The following CWC27 variants were observed in gnomAD, a reference collection of about 807,000 sequenced individuals.
CWC27 encodes CWC27 spliceosome associated cyclophilin.
CWC27 carries 47 observed loss-of-function variants against 63.6 expected under a neutral mutation model. The observed-to-expected ratio is 0.74, with a 90% CI of 0.58 to 0.94. The LOEUF is 0.94. Ranked by LOEUF, CWC27 falls within the 40% of genes least tolerant of loss-of-function variation. The pLI is 0.00. For synonymous variants in CWC27, 175 were observed against 179.8 expected, an observed-to-expected ratio of 0.97 and a Z score of 0.22; for missense variants, 495 against 554.3, an observed-to-expected ratio of 0.89 and a Z score of 1.07.
chr5:64,934,214 T>C (rs1181166444), intron 11 of CWC27, among the ~76,000 whole-genome samples: 1 of 152,182 alleles, frequency 6.6e-6, no homozygotes, highest in East Asian at 1.9e-4. Context: ...CAACCCATCG[T>C]CTACATTAGG....
At chr5:64,847,934 TCAAA>T (rs888409311) in intron 10 of CWC27, among the ~76,000 whole-genome samples, 1 of 150,832 alleles carries the variant, frequency 6.6e-6, no homozygotes, top group African/African-American at 2.4e-5. Context: ...GAGAAAGATC[TCAAA>T]CAACTTAATG....
At chr5:64,837,436 A>G (rs1745685611) in intron 10 of CWC27, among the ~76,000 whole-genome samples, 1 of 151,924 alleles carries the variant, frequency 6.6e-6, no homozygotes, top group Non-Finnish European at 1.5e-5. Context: ...ATGTGACTCC[A>G]TTGCTTACTT....
intron 13 of CWC27, among the ~76,000 whole-genome samples, chr5:64,999,503 C>A (rs1418628070): frequency 6.6e-6 from 1 of 152,050 alleles, no homozygotes; most frequent in African/African-American, 2.4e-5. Flanking sequence ...ACCACCCTTC[C>A]CAGCCCCTGG....
At chr5:64,807,099 A>G (rs1007092595) in intron 10 of CWC27, among the ~76,000 whole-genome samples, 1 of 152,212 alleles carries the variant, frequency 6.6e-6, no homozygotes, top group East Asian at 1.9e-4. Context: ...CTCTTGATAC[A>G]TGAGTTTTCA....
chr5:64,778,105 A>G (rs1475167542), intron 2 of CWC27, among the ~76,000 whole-genome samples: 3 of 152,224 alleles, frequency 2.0e-5, no homozygotes, highest in African/African-American at 7.2e-5. Flanking sequence ...TTGAAAACAC[A>G]AGTAATAAAG....
At position 64,774,791 on chromosome 5, in the gene CWC27, T is replaced by A. The variant is rs199695297; in HGVS notation, c.139+4T>A. 32 of 539,992 alleles carry A rather than the reference T, an allele frequency of 5.9e-5. No individual in the cohort carries two copies. Among genetic ancestry groups the A allele is most frequent in the Non-Finnish European group, 7.6e-5 (30 of 396,896 alleles). The allele number at this position is 539,992 out of a possible 1,614,324, so 33.5% of individuals were successfully genotyped here. ...TTTATCCAACTTTGTTTGGAAGGTA[T>A]GTTGACTTTTATTCTACTGGAGAAA... On this transcript the variant is annotated splice_donor_region_variant and intron_variant, in intron 2 of 13. Coordinates refer to ENST00000381070, the MANE Select transcript of CWC27 (RefSeq NM_005869.4).
At chr5:64,799,273 C>T (rs1477234121) in intron 7 of CWC27, among the ~76,000 whole-genome samples, 1 of 152,218 alleles carries the variant, frequency 6.6e-6, no homozygotes, top group East Asian at 1.9e-4. Flanking sequence ...ATTTGAAGCA[C>T]AGTGCCTAGC....
At chr5:64,910,539 T>C (rs922997107) in intron 11 of CWC27, among the ~76,000 whole-genome samples, 4 of 152,240 alleles carry the variant, frequency 2.6e-5, no homozygotes, top group Non-Finnish European at 5.9e-5. Flanking sequence ...TTAGTTCATC[T>C]ATGCCCTGCC....
chr5:65,017,992 G>T (rs548940287), intron 13 of CWC27, among the ~76,000 whole-genome samples, 167 bp from the exon 14 acceptor site: 8 of 152,272 alleles, frequency 5.3e-5, no homozygotes, highest in Admixed American at 4.6e-4. Context: ...CAAATTTAAG[G>T]GTTTTCTGAG....
At chr5:64,845,270 C>G (rs1745946332) in intron 10 of CWC27, among the ~76,000 whole-genome samples, 1 of 152,142 alleles carries the variant, frequency 6.6e-6, no homozygotes, top group South Asian at 2.1e-4. Flanking sequence ...ATTGTAAAGG[C>G]TAGAAGAGGG....
intron 10 of CWC27, among the ~76,000 whole-genome samples, chr5:64,813,356 A>C (rs1744941123): frequency 6.6e-6 from 1 of 152,170 alleles, no homozygotes; most frequent in African/African-American, 2.4e-5. Flanking sequence ...AGAACCAGTT[A>C]ATCCGTATCC....
At chr5:64,923,097 AG>A (rs1391047716) in intron 11 of CWC27, among the ~76,000 whole-genome samples, 1 of 152,182 alleles carries the variant, frequency 6.6e-6, no homozygotes, top group African/African-American at 2.4e-5. Flanking sequence ...GTGCTGCAGC[AG>A]GGGTGCAAAT....
chr5:64,782,322 C>T (rs1743726275), intron 3 of CWC27, among the ~76,000 whole-genome samples: 1 of 152,066 alleles, frequency 6.6e-6, no homozygotes, highest in African/African-American at 2.4e-5. Flanking sequence ...GTGGCACACG[C>T]CTGTATTCCC....
intron 13 of CWC27, among the ~76,000 whole-genome samples, chr5:64,981,966 T>G (rs1485781095): frequency 6.6e-6 from 1 of 152,224 alleles, no homozygotes; most frequent in Non-Finnish European, 1.5e-5. Context: ...TTGGCTAATG[T>G]TAAAAGTCAA....
At chr5:64,812,509 T>G (rs1162682584) in intron 10 of CWC27, among the ~76,000 whole-genome samples, 3 of 152,130 alleles carry the variant, frequency 2.0e-5, no homozygotes, top group Admixed American at 2.0e-4. Context: ...TTGCAGTTGT[T>G]TTTTTGCTTT....
intron 1 of CWC27, chr5:64,773,815 A>T (rs1743345967): frequency 6.6e-6 from 1 of 152,204 alleles, no homozygotes; most frequent in Admixed American, 6.5e-5. Context: ...TTCTAGTTGC[A>T]AAGTTTCTGG....
rs78250403 is a variant in CWC27, at chr5:64,840,031, T to A, written c.938+35645T>A. Among the ~76,000 whole-genome samples, 221 of 152,174 alleles carry A rather than the reference T, an allele frequency of 1.5e-3. 1 individual carries two copies. The highest frequency in any genetic ancestry group is 4.9e-3 in the African/African-American group (203 of 41,528). On this transcript the variant is annotated intron_variant, in intron 10 of 13. Transcript: ENST00000381070. ...TCTAGGGGCTCTCTTTGGAGGAAAC[T>A]AGTGCATATAGGCTCCCTGCCAGGG... is the stretch of plus-strand genomic sequence containing the variant.
intron 9 of CWC27, among the ~76,000 whole-genome samples, chr5:64,801,671 G>A (rs533049298): frequency 6.6e-6 from 1 of 152,034 alleles, no homozygotes; most frequent in Non-Finnish European, 1.5e-5. Context: ...ATATTGGTGT[G>A]TGGGCATCCT....
At chr5:64,850,853 A>G (rs1453711410) in intron 10 of CWC27, among the ~76,000 whole-genome samples, 4 of 152,126 alleles carry the variant, frequency 2.6e-5, no homozygotes, top group African/African-American at 7.2e-5. Context: ...AATTAAAACC[A>G]TGATGAGATA....
Sources: allele counts gnomAD v4.1 joint callset (sites outside exome capture counted in the v4.1 genomes callset), GRCh38; gene constraint gnomAD v4.1.1; transcripts MANE v1.5; gene names NCBI Gene and HGNC (gene_info 2026-07-23, HGNC 2026-07-21).